Variants in DACH2 observed in about 807,000 individuals in gnomAD.
The protein encoded by DACH2 is dachshund homolog 2.
Under a neutral mutation model 35.8 loss-of-function variants are expected in DACH2, and 17 were observed. The observed-to-expected ratio is 0.48, with a 90% confidence interval of 0.33 to 0.71. The LOEUF (loss-of-function observed/expected upper bound fraction) is 0.71, where lower values mean the gene tolerates loss of function less well. Ranked by LOEUF, DACH2 falls within the 30% of genes least tolerant of loss-of-function variation. The pLI is 0.02. For missense variants in DACH2, 469 were observed against 472.7 expected (o/e 0.99, Z 0.07); for synonymous variants, 195 against 177.3 (o/e 1.10, Z -0.79).
intron 2 of DACH2, among the ~76,000 whole-genome samples, chrX:86,404,247 C>T (rs771578516): frequency 9.0e-6 from 1 of 111,372 alleles, no homozygotes; most frequent in East Asian, 2.8e-4. Context: ...AGTCTTAACT[C>T]ATTCCAGCAT....
chrX:86,245,261 T>C (rs2033254262), intron 1 of DACH2, among the ~76,000 whole-genome samples: 1 of 111,805 alleles, frequency 8.9e-6, no homozygotes, highest in Non-Finnish European at 1.9e-5. Flanking sequence ...GCACAGGCAC[T>C]GCCACAGAGC....
intron 3 of DACH2, among the ~76,000 whole-genome samples, chrX:86,604,977 A>G (rs1174470984): frequency 8.9e-6 from 1 of 111,828 alleles, no homozygotes; most frequent in African/African-American, 3.2e-5. Flanking sequence ...TCTCAGTCCT[A>G]TAGGTGATAA....
intron 1 of DACH2, among the ~76,000 whole-genome samples, chrX:86,354,900 A>G (rs1422315744): frequency 9.0e-6 from 1 of 111,458 alleles, no homozygotes; most frequent in East Asian, 2.8e-4. Flanking sequence ...ATTTCACTAT[A>G]TTTTAAATAT....
intron 1 of DACH2, among the ~76,000 whole-genome samples, chrX:86,206,452 T>G (rs187432612): frequency 1.2e-3 from 133 of 112,043 alleles, no homozygotes; most frequent in African/African-American, 4.2e-3. Flanking sequence ...AAATGAACAC[T>G]GTTGATAAAG....
intron 1 of DACH2, among the ~76,000 whole-genome samples, chrX:86,180,175 C>CATATATATAT (rs1569292909): frequency 0.01 from 163 of 15,576 alleles, 7 homozygotes; most frequent in African/African-American, 0.038. Flanking sequence ...CATGCTAAAC[C>CATATATATAT]GTATATATAT....
At chrX:86,518,864 C>A (rs990915930) in intron 3 of DACH2, among the ~76,000 whole-genome samples, 1 of 112,011 alleles carries the variant, frequency 8.9e-6, no homozygotes, top group Non-Finnish European at 1.9e-5. Context: ...AACTTCCTTT[C>A]TTCCTAGTGG....
intron 7 of DACH2, among the ~76,000 whole-genome samples, chrX:86,741,980 GA>G (rs1299180452): frequency 2.4e-4 from 26 of 110,128 alleles, no homozygotes; most frequent in African/African-American, 7.5e-4. Flanking sequence ...ATAATATATA[GA>G]AAAAAATATA....
intron 3 of DACH2, among the ~76,000 whole-genome samples, chrX:86,542,901 C>T (rs2038905620): frequency 8.9e-6 from 1 of 111,877 alleles, no homozygotes. Flanking sequence ...ACACAATACT[C>T]CAAAGCTCAA....
intron 4 of DACH2, among the ~76,000 whole-genome samples, chrX:86,663,407 G>A (rs770408307): frequency 1.8e-5 from 2 of 111,997 alleles, no homozygotes; most frequent in South Asian, 7.4e-4. Flanking sequence ...CTCTTAGGAT[G>A]TGTTTAATGC....
At chrX:86,391,252 C>T (rs1337783609) in intron 2 of DACH2, among the ~76,000 whole-genome samples, 1 of 86,571 alleles carries the variant, frequency 1.2e-5, no homozygotes, top group African/African-American at 4.4e-5. Flanking sequence ...GTGCACCACT[C>T]GGGCTGGGTG....
intron 7 of DACH2, among the ~76,000 whole-genome samples, chrX:86,802,528 GAAA>G (rs34700295): frequency 0.01 from 640 of 63,113 alleles, 3 homozygotes; most frequent in African/African-American, 0.033. Context: ...TTTCTTGGTT[GAAA>G]AAAAAAAAAA....
intron 3 of DACH2, among the ~76,000 whole-genome samples, chrX:86,556,526 A>G (rs183781229): frequency 6.6e-4 from 72 of 108,720 alleles, no homozygotes; most frequent in Non-Finnish European, 9.0e-4. Context: ...CTGTTTTGGT[A>G]TCTGCTAGTT....
At position 86,695,023 on chromosome X, in the gene DACH2, G is replaced by A. The variant is rs2041050146; in HGVS notation, c.775G>A (p.Gly259Arg). The change falls in exon 5 of 12, where the codon GGA becomes AGA. Residue 259 changes from glycine to arginine, a missense_variant and splice_region_variant. This residue lies in a region of DACH2 where 363 missense variants were observed against 334.4 expected (regional missense o/e 1.09). Transcript: ENST00000373125. The part of the protein sequence containing the change: ...EPDDLNSNTG[G>R]SESSWDKDKM... ...ATGTTTATATGAATATTTTTCAGGT[G>A]GAAGTGAATCCTCCTGGGATAAAGA... 2 of 1,041,602 alleles carry A rather than the reference G, an allele frequency of 1.9e-6. No individual in the cohort carries two copies. The highest frequency in any genetic ancestry group is 1.2e-6 in the Non-Finnish European group (1 of 803,528). 85.8% of individuals were successfully genotyped at this position (1,041,602 alleles called of 1,213,427 possible).
intron 1 of DACH2, among the ~76,000 whole-genome samples, chrX:86,208,379 G>A (rs1311705055): frequency 1.8e-5 from 2 of 111,050 alleles, no homozygotes; most frequent in Non-Finnish European, 3.8e-5. Flanking sequence ...TGACAATTTT[G>A]TCATAAACTT....
intron 2 of DACH2, among the ~76,000 whole-genome samples, chrX:86,413,910 G>A (rs1335872392): frequency 9.0e-6 from 1 of 111,330 alleles, no homozygotes; most frequent in African/African-American, 3.3e-5. Flanking sequence ...TTTAACTGGA[G>A]GATCACATTG....
chrX:86,610,720 T>C (rs765312918), intron 3 of DACH2, among the ~76,000 whole-genome samples: 2 of 110,722 alleles, frequency 1.8e-5, no homozygotes, highest in East Asian at 5.8e-4. Context: ...TTGCTGGGAT[T>C]ACATGTGTGA....
rs758608199 is a variant in DACH2 at position 86,467,984 on chromosome X, A to G, written c.528-46295A>G. Reference sequence around the variant, plus strand: ...ATACATGGGGATTATAGGAACTACAATGCAAGATGAGATTTGGGTGGGGAT... The same window carrying G: ...ATACATGGGGATTATAGGAACTACAGTGCAAGATGAGATTTGGGTGGGGAT... On this transcript the variant is annotated intron_variant, in intron 2 of 11. Transcript: ENST00000373125. 2.2e-3 allele frequency among the ~76,000 whole-genome samples: 241 copies of G among 111,306 alleles called. 1 individual carries two copies. Among genetic ancestry groups the G allele is most frequent in the Non-Finnish European group, 3.2e-3 (169 of 52,957 alleles).
At chrX:86,690,986 C>A (rs1325809715) in intron 4 of DACH2, among the ~76,000 whole-genome samples, 1 of 111,939 alleles carries the variant, frequency 8.9e-6, no homozygotes, top group Non-Finnish European at 1.9e-5. Flanking sequence ...GGATTTGCTC[C>A]ATTTTCTACA....
rs781628008 is a variant in DACH2, at chrX:86,377,631, C to T, written c.527+769C>T. Among the ~76,000 whole-genome samples, 464 of 110,268 alleles carry T rather than the reference C, an allele frequency of 4.2e-3. 2 individuals carry two copies. Among genetic ancestry groups the T allele is most frequent in the Non-Finnish European group, 5.5e-3 (287 of 52,344 alleles). On this transcript the variant is annotated intron_variant, in intron 2 of 11. Coordinates refer to ENST00000373125, the MANE Select transcript of DACH2 (RefSeq NM_053281.3). Reference sequence around the variant, plus strand: ...TTCCTGTCAGTAGTGCCCCTCTTCTCTTCCACACTTCTTTCTCAGGTTACA... The same window carrying T: ...TTCCTGTCAGTAGTGCCCCTCTTCTTTTCCACACTTCTTTCTCAGGTTACA...
Sources: gnomAD v4.1 joint callset for allele counts (sites outside exome capture counted in the v4.1 genomes callset) on GRCh38, gnomAD v4.1.1 for gene constraint, gnomAD v4.1.1 regional missense constraint, MANE v1.5 for transcripts, NCBI Gene and HGNC (gene_info 2026-07-23, HGNC 2026-07-21) for gene names.